The following IGBP1 variants were observed in gnomAD, a reference collection of about 807,000 sequenced individuals.
IGBP1 encodes the protein immunoglobulin-binding protein 1.
Under a neutral mutation model 25.9 loss-of-function variants are expected in IGBP1, and 2 were observed. The ratio of observed to expected loss-of-function variants is 0.08; its 90% CI spans 0.03 to 0.24. IGBP1 has a LOEUF of 0.24. IGBP1 is among the 10% of genes least tolerant of loss of function. The probability of loss-of-function intolerance (pLI) is 1.00; values close to 1 mark genes in which losing one functional copy is unlikely to be tolerated. For synonymous variants in IGBP1, 96 were observed against 93.4 expected (o/e 1.03, Z -0.16); for missense variants, 187 against 260.4 (o/e 0.72, Z 1.94).
chrX:70,153,802 G>A (rs1160353849), intron 6 of IGBP1, among the ~76,000 whole-genome samples: 2 of 111,625 alleles, frequency 1.8e-5, no homozygotes, highest in Non-Finnish European at 3.8e-5. Flanking sequence ...CAAGCTCATC[G>A]ATGTAGCTGA....
rs61755732 is a variant in IGBP1 at position 70,146,758 on chromosome X, T to G, written c.608T>G (p.Ile203Ser). ...CTTCACCTTCAGAGGTGGATTGATA[T>G]CAGCTTAGAAGAGATTGAGAGCATT... ...YLLHLQRWID[I>S]SLEEIESIDQ... is the part of the protein sequence containing the mutation. Residue 203 changes from isoleucine (I) to serine (S), a missense_variant, in exon 4 of 7, where the codon ATC (isoleucine) becomes AGC (serine). Ile to Ser is a moderately radical substitution (Grantham distance 142). Transcript: ENST00000356413. 1 of 1,172,745 alleles carries G rather than the reference T, an allele frequency of 8.5e-7. No homozygotes were observed. The highest frequency in any genetic ancestry group is 1.2e-6 in the Non-Finnish European group (1 of 864,629).
chrX:70,144,659 T>A, intron 3 of IGBP1, among the ~76,000 whole-genome samples: 1 of 81,430 alleles, frequency 1.2e-5, no homozygotes, highest in Non-Finnish European at 2.4e-5. Context: ...ACTTTTTTTT[T>A]TTTTTTTTTT....
chrX:70,164,508 T>C (rs1412404620), intron 6 of IGBP1, among the ~76,000 whole-genome samples: 1 of 112,167 alleles, frequency 8.9e-6, no homozygotes, highest in Admixed American at 9.4e-5. Flanking sequence ...AAAAAATACA[T>C]TGAGTAAAAA....
intron 3 of IGBP1, among the ~76,000 whole-genome samples, chrX:70,137,751 C>CAAAAAAAAAAAAA (rs752550128): frequency 4.6e-5 from 1 of 21,725 alleles, no homozygotes; most frequent in African/African-American, 1.5e-4. Context: ...AATAATTATA[C>CAAAAAAAAAAAAA]AAAAAAAAAA....
chrX:70,141,777 A>G (rs1408126996), intron 3 of IGBP1, among the ~76,000 whole-genome samples: 1 of 110,317 alleles, frequency 9.1e-6, no homozygotes, highest in African/African-American at 3.3e-5. Flanking sequence ...TCATTTAGCA[A>G]CCCCCCACCA....
intron 3 of IGBP1, among the ~76,000 whole-genome samples, chrX:70,144,544 T>C (rs929068553): frequency 9.0e-6 from 1 of 110,694 alleles, no homozygotes; most frequent in Non-Finnish European, 1.9e-5. Flanking sequence ...AGGATGATGA[T>C]GTGTCAGTTA....
chrX:70,153,403 A>G (rs2085215522), intron 6 of IGBP1, among the ~76,000 whole-genome samples: 1 of 112,147 alleles, frequency 8.9e-6, no homozygotes, highest in African/African-American at 3.2e-5. Context: ...GTGGGTAAAT[A>G]CAAAGGACTG....
intron 6 of IGBP1, among the ~76,000 whole-genome samples, chrX:70,155,518 T>C (rs1172992596): frequency 1.0e-5 from 1 of 100,102 alleles, no homozygotes; most frequent in East Asian, 3.0e-4. Flanking sequence ...AAAAAAAAGA[T>C]ATATAGGTTG....
At chrX:70,137,457 TATTA>T (rs1428791786) in intron 3 of IGBP1, among the ~76,000 whole-genome samples, 1 of 111,311 alleles carries the variant, frequency 9.0e-6, no homozygotes, top group Non-Finnish European at 1.9e-5. Flanking sequence ...CAGAAATATT[TATTA>T]ATTGCTTCCT....
At chrX:70,139,482 T>C (rs1326895922) in intron 3 of IGBP1, among the ~76,000 whole-genome samples, 1 of 111,515 alleles carries the variant, frequency 9.0e-6, no homozygotes, top group Non-Finnish European at 1.9e-5. Flanking sequence ...ACATTCGTAT[T>C]ACTAGCCCAG....
rs2085193209 is a variant in IGBP1 at position 70,150,114 on chromosome X, C to G, written c.759-96C>G. On this transcript the variant is annotated intron_variant, in intron 5 of 6. Coordinates refer to ENST00000356413, the MANE Select transcript of IGBP1 (RefSeq NM_001551.3). ...GGAACAAGGCTGAAACGGACACAGA[C>G]TTTGTTGTTAGAGAGACTTTTTGTA... 9.2e-6 allele frequency: 5 copies of G among 544,469 alleles called. No individual in the cohort carries two copies. The East Asian group carries it at 1.4e-4, about 16-fold the overall frequency. 44.9% of individuals were successfully genotyped at this position (544,469 alleles called of 1,213,427 possible). A position where few individuals can be genotyped will look rare whatever the true frequency, so the allele number is the denominator to read the frequency against.
rs1019746026 is a variant in IGBP1, at chrX:70,134,023, G to A, written c.76G>A (p.Val26Ile). Residue 26 changes from valine (V) to isoleucine (I), a missense_variant, in exon 2 of 7, where the codon GTA becomes ATA. Val to Ile is a conservative substitution (Grantham distance 29). Coordinates refer to ENST00000356413, the MANE Select transcript of IGBP1 (RefSeq NM_001551.3). ...AACTGGTAGACAGTTACTGGACGAA[G>A]TAGAAGTGGCGACTGAACCCGCCGG... ...FETGRQLLDE[V>I]EVATEPAGSR... The A allele has an allele frequency of 1.7e-6, 2 of 1,211,550 alleles. No individual in the cohort carries two copies. The highest frequency in any genetic ancestry group is 3.0e-5 in the East Asian group (1 of 33,851).
At chrX:70,144,535 GGAT>G (rs1372453068) in intron 3 of IGBP1, among the ~76,000 whole-genome samples, 1 of 110,332 alleles carries the variant, frequency 9.1e-6, no homozygotes, top group South Asian at 3.8e-4. Context: ...AAGCTTCTTA[GGAT>G]GATGATGTGT....
Position 70,150,313 on chromosome X carries a change from G to A in IGBP1, c.862G>A (p.Ala288Thr). Reference protein sequence around the residue: ...GALPDQGIAKAAPEEFRKAAQ... With the variant: ...GALPDQGIAKTAPEEFRKAAQ... The stretch of plus-strand genomic sequence containing the variant: ...ATTACCGGATCAGGGAATAGCCAAG[G>A]CAGCACCAGGTATGACGGGGTAGGA... Residue 288 changes from alanine to threonine, a missense_variant, in exon 6 of 7, where the codon GCA (alanine) becomes ACA (threonine). Transcript: ENST00000356413. The A allele has an allele frequency of 3.5e-6, 4 of 1,151,470 alleles. No homozygotes were observed. Among genetic ancestry groups the A allele is most frequent in the Non-Finnish European group, 3.6e-6 (3 of 840,646 alleles). 94.9% of individuals were successfully genotyped at this position (1,151,470 alleles called of 1,213,427 possible).
At position 70,134,009 on chromosome X, in the gene IGBP1, A is replaced by G. The variant is rs201074068; in HGVS notation, c.62A>G (p.Gln21Arg). ...CCCGAGCTGTTCGAAACTGGTAGAC[A>G]GTTACTGGACGAAGTAGAAGTGGCG... ...RLPELFETGR[Q>R]LLDEVEVATE... is the part of the protein sequence containing the mutation. Residue 21 changes from glutamine (Q) to arginine (R), a missense_variant, in exon 2 of 7, where the codon CAG becomes CGG. Physicochemically the swap from Gln to Arg is conservative, Grantham distance 43 (BLOSUM62 1). Coordinates refer to ENST00000356413, the MANE Select transcript of IGBP1 (RefSeq NM_001551.3). 68 of 1,210,260 alleles carry G rather than the reference A, an allele frequency of 5.6e-5. No homozygotes were observed. In the East Asian group the frequency reaches 1.9e-3, roughly 34 times the overall value.
intron 6 of IGBP1, among the ~76,000 whole-genome samples, chrX:70,154,852 G>A (rs2085229459): frequency 9.2e-6 from 1 of 108,857 alleles, no homozygotes; most frequent in African/African-American, 3.4e-5. Flanking sequence ...AGCTATTATC[G>A]TGCCCCTGCA....
At chrX:70,158,450 T>C (rs1226042948) in intron 6 of IGBP1, among the ~76,000 whole-genome samples, 7 of 112,031 alleles carry the variant, frequency 6.2e-5, no homozygotes, top group South Asian at 3.7e-4. Context: ...GGAGCCCTTA[T>C]GAAGTTAGAA....
intron 6 of IGBP1, among the ~76,000 whole-genome samples, chrX:70,164,463 A>G (rs1007771732): frequency 8.9e-6 from 1 of 112,076 alleles, no homozygotes; most frequent in African/African-American, 3.3e-5. Flanking sequence ...AATTTTTTAA[A>G]TTGGATTGTG....
At chrX:70,146,258 T>C (rs935633001) in intron 3 of IGBP1, among the ~76,000 whole-genome samples, 1 of 111,330 alleles carries the variant, frequency 9.0e-6, no homozygotes, top group Non-Finnish European at 1.9e-5. Context: ...TATGATTTTT[T>C]TGAAGGTGTA....
Sources: allele counts gnomAD v4.1 joint callset (sites outside exome capture counted in the v4.1 genomes callset), GRCh38; gene constraint gnomAD v4.1.1; transcripts MANE v1.5; gene names NCBI Gene and HGNC (gene_info 2026-07-23, HGNC 2026-07-21).